Variants in ENTREP2 observed in about 807,000 individuals in gnomAD.
ENTREP2 encodes the protein protein ENTREP2.
the ENTREP2 span, among the ~76,000 whole-genome samples, chr15:29,271,396 G>A: frequency 6.6e-6 from 1 of 152,148 alleles, no homozygotes; most frequent in Non-Finnish European, 1.5e-5. Context: ...TAGAGAGACC[G>A]TCTCATATTG....
the ENTREP2 span, among the ~76,000 whole-genome samples, chr15:29,448,219 G>A: frequency 5.3e-5 from 8 of 152,252 alleles, no homozygotes; most frequent in Admixed American, 2.6e-4. Flanking sequence ...ACCATTCTCC[G>A]TTGACACAAG....
At chr15:29,185,351 C>T in the ENTREP2 span, among the ~76,000 whole-genome samples, 2 of 152,142 alleles carry the variant, frequency 1.3e-5, no homozygotes, top group Non-Finnish European at 2.9e-5. Context: ...TCCTATCTTT[C>T]CTGCCTTTGC....
chr15:29,647,280 T>A, the ENTREP2 span, among the ~76,000 whole-genome samples: 1 of 152,164 alleles, frequency 6.6e-6, no homozygotes, highest in Admixed American at 6.6e-5. Context: ...CACTCTAATG[T>A]CCTCTGAAAG....
the ENTREP2 span, among the ~76,000 whole-genome samples, chr15:29,596,677 AT>A: frequency 1.9e-4 from 28 of 150,178 alleles, no homozygotes; most frequent in African/African-American, 4.9e-4. Context: ...TTATTTTTTT[AT>A]TTTTTTTTAG....
chr15:29,137,098 G>T, the ENTREP2 span: 4 of 1,465,974 alleles, frequency 2.7e-6, no homozygotes, highest in Non-Finnish European at 3.6e-6. Context: ...GGCGGGAGTG[G>T]GGGGATGAAC....
At chr15:29,442,666 G>A in the ENTREP2 span, among the ~76,000 whole-genome samples, 1 of 152,142 alleles carries the variant, frequency 6.6e-6, no homozygotes, top group Non-Finnish European at 1.5e-5. Context: ...GGCCAAAGAG[G>A]CTCCAGTGGC....
the ENTREP2 span, among the ~76,000 whole-genome samples, chr15:29,637,372 G>C: frequency 6.6e-6 from 1 of 152,134 alleles, no homozygotes; most frequent in Non-Finnish European, 1.5e-5. Context: ...GCTTGCAATG[G>C]GGACATATGC....
chr15:29,265,172 T>C, the ENTREP2 span: 1 of 152,066 alleles, frequency 6.6e-6, no homozygotes, highest in African/African-American at 2.4e-5. Flanking sequence ...AACATCACAC[T>C]CTATGGCAAA....
the ENTREP2 span, among the ~76,000 whole-genome samples, chr15:29,181,738 T>C: frequency 2.6e-5 from 4 of 152,182 alleles, no homozygotes; most frequent in Non-Finnish European, 2.9e-5. Flanking sequence ...CACACATGCA[T>C]ATATACTTAT....
At chr15:29,633,703 G>A in the ENTREP2 span, among the ~76,000 whole-genome samples, 1 of 152,194 alleles carries the variant, frequency 6.6e-6, no homozygotes, top group Non-Finnish European at 1.5e-5. Context: ...GCTCACGCCT[G>A]TAATCCCAGC....
the ENTREP2 span, among the ~76,000 whole-genome samples, chr15:29,195,670 G>A: frequency 6.6e-6 from 1 of 151,970 alleles, no homozygotes; most frequent in South Asian, 2.1e-4. Flanking sequence ...GACTACAGGC[G>A]CCCACCACCA....
At chr15:29,576,864 G>A in the ENTREP2 span, among the ~76,000 whole-genome samples, 1 of 152,190 alleles carries the variant, frequency 6.6e-6, no homozygotes, top group African/African-American at 2.4e-5. Context: ...CTGGAGTGCA[G>A]TGGCGTGATC....
chr15:29,535,268 A>T, the ENTREP2 span, among the ~76,000 whole-genome samples: 2 of 152,140 alleles, frequency 1.3e-5, no homozygotes, highest in Non-Finnish European at 1.5e-5. Context: ...ATAATAATAA[A>T]AATAAAGTAA....
the ENTREP2 span, among the ~76,000 whole-genome samples, chr15:29,305,595 T>G: frequency 3.9e-4 from 59 of 151,840 alleles, no homozygotes; most frequent in Non-Finnish European, 7.1e-4. Context: ...AGAGAGGGAG[T>G]GGCGAGAGTC....
the ENTREP2 span, among the ~76,000 whole-genome samples, chr15:29,515,257 G>C: frequency 6.6e-6 from 1 of 152,298 alleles, no homozygotes; most frequent in South Asian, 2.1e-4. Context: ...CTGCTTTCTG[G>C]AGGTAGATAT....
the ENTREP2 span, among the ~76,000 whole-genome samples, chr15:29,651,199 C>T: frequency 1.3e-5 from 2 of 152,204 alleles, no homozygotes; most frequent in African/African-American, 2.4e-5. Context: ...TTGATTGGAG[C>T]TTGCTTCAGG....
At chr15:29,252,530 G>A in the ENTREP2 span, 4 of 1,041,106 alleles carry the variant, frequency 3.8e-6, no homozygotes, top group South Asian at 4.5e-5. Context: ...AGGCTCAAAG[G>A]AAAAATGACA....
At chr15:29,609,160 G>A in the ENTREP2 span, among the ~76,000 whole-genome samples, 1 of 150,028 alleles carries the variant, frequency 6.7e-6, no homozygotes, top group African/African-American at 2.4e-5. Flanking sequence ...TTGGGTTGTG[G>A]GTTTTGCTGC....
chr15:29,484,567 A>G, the ENTREP2 span, among the ~76,000 whole-genome samples: 1 of 152,200 alleles, frequency 6.6e-6, no homozygotes, highest in East Asian at 1.9e-4. Context: ...ACACACACAC[A>G]CGCACAGACT....
Sources: allele counts gnomAD v4.1 joint callset (sites outside exome capture counted in the v4.1 genomes callset), GRCh38; gene constraint gnomAD v4.1.1; transcripts MANE v1.5; gene names NCBI Gene and HGNC (gene_info 2026-07-23, HGNC 2026-07-21).